The following ZNF430 variants were observed in gnomAD, a reference collection of about 807,000 sequenced individuals.
ZNF430 encodes the protein zinc finger protein 430.
ZNF430 carries 35 observed loss-of-function variants against 56.7 expected under a neutral mutation model. The observed-to-expected ratio is 0.62, with a 90% CI of 0.47 to 0.82. ZNF430 has a LOEUF of 0.82. Ranked by LOEUF, ZNF430 falls within the 40% of genes least tolerant of loss-of-function variation. The probability of loss-of-function intolerance (pLI) is 0.00; values close to 1 mark genes in which losing one functional copy is unlikely to be tolerated. For missense variants in ZNF430, 574 were observed against 661.0 expected (o/e 0.87, Z 1.44); for synonymous variants, 212 against 224.3 (o/e 0.94, Z 0.49).
chr19:21,056,824 C>T lies in ZNF430; in HGVS notation c.516C>T (p.Thr172=). 1.9e-6 allele frequency: 3 copies of T among 1,613,524 alleles called. No individual in the cohort carries two copies. Among genetic ancestry groups the T allele is most frequent in the Non-Finnish European group, 2.5e-6 (3 of 1,179,792 alleles). ...YDELNQCLTT[T]QSEIFQYDKY... ...AACTAAACCAGTGTTTGACAACTAC[C>T]CAGAGTGAAATATTTCAATATGATA... The change falls in exon 5 of 5, where the codon ACC becomes ACT. Residue 172 remains threonine (T), a synonymous_variant. Coordinates refer to ENST00000261560, the MANE Select transcript of ZNF430 (RefSeq NM_025189.4).
At chr19:21,041,629 T>C (rs1937567412) in intron 4 of ZNF430, among the ~76,000 whole-genome samples, 1 of 152,220 alleles carries the variant, frequency 6.6e-6, no homozygotes, top group Non-Finnish European at 1.5e-5. Flanking sequence ...AAGCCCTGCA[T>C]GCATTAGCTG....
In ZNF430 at chr19:21,026,467, G is replaced by C. The variant is rs192440652; in HGVS notation, c.96+3586G>C. 3.6e-4 allele frequency among the ~76,000 whole-genome samples: 55 copies of C among 152,210 alleles called. 1 individual carries two copies. The highest frequency in any genetic ancestry group is 1.2e-3 in the African/African-American group (48 of 41,532). ...CTCCCAAAGTGCTGGGGTTACAGGC[G>C]TGAGCCACCGTGCCCGGCCAATCTC... On this transcript the variant is annotated intron_variant, in intron 2 of 4. Transcript: ENST00000261560.
chr19:21,044,197 G>A (rs149594860), intron 4 of ZNF430, among the ~76,000 whole-genome samples: 78 of 151,966 alleles, frequency 5.1e-4, no homozygotes, highest in African/African-American at 1.5e-3. Flanking sequence ...TTGCCCTTTC[G>A]GTATGATACT....
chr19:21,052,191 A>G (rs1308353296), intron 4 of ZNF430, among the ~76,000 whole-genome samples: 2 of 152,100 alleles, frequency 1.3e-5, no homozygotes, highest in East Asian at 3.9e-4. Flanking sequence ...GTTTTTAAAA[A>G]CTTAAAAATT....
At chr19:21,029,397 AC>A (rs1314916687) in intron 2 of ZNF430, among the ~76,000 whole-genome samples, 1 of 151,164 alleles carries the variant, frequency 6.6e-6, no homozygotes, top group Non-Finnish European at 1.5e-5. Flanking sequence ...ATTCTAAAGA[AC>A]TTTAATAAAT....
Position 21,034,111 on chromosome 19 carries a change from C to T in ZNF430, c.249C>T (p.Asp83=). The T allele has an allele frequency of 3.7e-6, 6 of 1,613,022 alleles. No individual in the cohort carries two copies. Among genetic ancestry groups the T allele is most frequent in the Non-Finnish European group, 5.1e-6 (6 of 1,179,680 alleles). ...CAGGTATTGCTGTTTCTAAGCCAGACCTGATCACCTGTCTAGAGCAAGGAA... is the reference window on the plus strand; with the variant it reads ...CAGGTATTGCTGTTTCTAAGCCAGATCTGATCACCTGTCTAGAGCAAGGAA... ...FLAGIAVSKP[D]LITCLEQGKE... is the part of the protein sequence containing the mutation. Residue 83 remains aspartate, a synonymous_variant, in exon 4 of 5, where the codon GAC becomes GAT. Transcript: ENST00000261560.
rs781476020 is a variant in ZNF430 at position 21,034,064 on chromosome 19, A to G, written c.224-22A>G. 4 of 1,581,432 alleles carry G rather than the reference A, an allele frequency of 2.5e-6. No individual in the cohort carries two copies. The Admixed American group carries it at 6.7e-5, about 26-fold the overall frequency. On this transcript the variant is annotated intron_variant, in intron 3 of 4. Transcript: ENST00000261560. ...TAACTGAAGAATATGAGAAAGATTCATGTTATTTATTTTCAATAAAGCAGG... is the reference window on the plus strand; with the variant it reads ...TAACTGAAGAATATGAGAAAGATTCGTGTTATTTATTTTCAATAAAGCAGG...
At chr19:21,054,697 A>T in intron 4 of ZNF430, among the ~76,000 whole-genome samples, 2 of 80,358 alleles carry the variant, frequency 2.5e-5, no homozygotes, top group African/African-American at 5.8e-5. Context: ...TTTTTTTGAG[A>T]CGGAGTCTCG....
chr19:21,030,888 G>A (rs1390002162), intron 2 of ZNF430, among the ~76,000 whole-genome samples: 1 of 151,680 alleles, frequency 6.6e-6, no homozygotes, highest in Non-Finnish European at 1.5e-5. Flanking sequence ...GTTTTGTTTT[G>A]TTTTCTGTTT....
rs1849418811 is a variant in ZNF430, at chr19:21,020,912, C to T, written c.3+109C>T. Reference sequence around the variant, plus strand: ...TCCCGGCAGTCAGCTGCACAATCTGCGCCCCGAGTTCTTGCCCAGCTGGGC... The same window carrying T: ...TCCCGGCAGTCAGCTGCACAATCTGTGCCCCGAGTTCTTGCCCAGCTGGGC... On this transcript the variant is annotated intron_variant, in intron 1 of 4. Coordinates refer to ENST00000261560, the MANE Select transcript of ZNF430 (RefSeq NM_025189.4). 4.7e-6 allele frequency: 7 copies of T among 1,486,050 alleles called. No homozygotes were observed. The East Asian group carries it at 6.8e-5, about 14-fold the overall frequency. 92.1% of individuals were successfully genotyped at this position (1,486,050 alleles called of 1,614,324 possible).
rs1352690002 is a variant in ZNF430, at chr19:21,058,487, A to G, written c.*466A>G. 1 of 162,688 alleles carries G rather than the reference A, an allele frequency of 6.1e-6. No individual in the cohort carries two copies. The highest frequency in any genetic ancestry group is 1.4e-5 in the Non-Finnish European group (1 of 70,262). 10.1% of individuals were successfully genotyped at this position (162,688 alleles called of 1,614,324 possible). ...ATAATTCATACTGAAAAGAAACTCT[A>G]CAAACTTGAAAGATGTGACAGTGCT... On this transcript the variant is annotated 3_prime_UTR_variant, in exon 5 of 5. Transcript: ENST00000261560.
chr19:21,025,621 C>T (rs1181901201), intron 2 of ZNF430, among the ~76,000 whole-genome samples: 1 of 152,012 alleles, frequency 6.6e-6, no homozygotes, highest in African/African-American at 2.4e-5. Flanking sequence ...GAGTCTCACT[C>T]TGTTGCCCAG....
At chr19:21,048,883 G>A (rs1968231489) in intron 4 of ZNF430, among the ~76,000 whole-genome samples, 1 of 151,972 alleles carries the variant, frequency 6.6e-6, no homozygotes, top group South Asian at 2.1e-4. Flanking sequence ...TCCCAGATGG[G>A]GCATAAAATA....
At chr19:21,038,433 T>A (rs1283578547) in intron 4 of ZNF430, among the ~76,000 whole-genome samples, 1 of 152,172 alleles carries the variant, frequency 6.6e-6, no homozygotes, top group African/African-American at 2.4e-5. Context: ...TCTAATTTTT[T>A]ATTATTATTT....
At chr19:21,026,939 C>T (rs772013729) in intron 2 of ZNF430, among the ~76,000 whole-genome samples, 6 of 145,730 alleles carry the variant, frequency 4.1e-5, no homozygotes, top group African/African-American at 7.7e-5. Flanking sequence ...AAGCGATTCT[C>T]CTGCCTCAGC....
In ZNF430 at chr19:21,051,913, T is replaced by C. The variant is rs1348394101; in HGVS notation, c.323-4718T>C. On this transcript the variant is annotated intron_variant, in intron 4 of 4. Transcript: ENST00000261560. Reference sequence around the variant, plus strand: ...TGTTCCTTTTTTTGAATACTTTGGGTACTTTATTGTCTTTTGAGAGTCCAT... The same window carrying C: ...TGTTCCTTTTTTTGAATACTTTGGGCACTTTATTGTCTTTTGAGAGTCCAT... Among the ~76,000 whole-genome samples the C allele has an allele frequency of 2.0e-5, 3 of 152,308 alleles. No individual in the cohort carries two copies. The East Asian group carries it at 5.8e-4, about 29-fold the overall frequency.
At chr19:21,048,522 A>T (rs1470904583) in intron 4 of ZNF430, among the ~76,000 whole-genome samples, 3 of 152,130 alleles carry the variant, frequency 2.0e-5, no homozygotes, top group African/African-American at 7.2e-5. Context: ...GATTAACAGC[A>T]TCCCAAGGCA....
intron 2 of ZNF430, chr19:21,025,820 C>G (rs556272856): frequency 1.9e-4 from 40 of 207,506 alleles, no homozygotes; most frequent in African/African-American, 8.8e-4. Context: ...ATCTCCTCCT[C>G]CCATTAGTCA....
Position 21,057,482 on chromosome 19 carries a change from A to C in ZNF430, c.1174A>C (p.Lys392Gln). Reference sequence around the variant, plus strand: ...CCGATTCTCATACCTTACTAAACATAAGATAATTCATACTGGAGAGAAATT... The same window carrying C: ...CCGATTCTCATACCTTACTAAACATCAGATAATTCATACTGGAGAGAAATT... ...FYRFSYLTKH[K>Q]IIHTGEKFYK... The change falls in exon 5 of 5, where the codon AAG becomes CAG. Residue 392 changes from lysine to glutamine, a missense_variant. Transcript: ENST00000261560. The C allele has an allele frequency of 1.2e-6, 2 of 1,613,790 alleles. No homozygotes were observed. Among genetic ancestry groups the C allele is most frequent in the Non-Finnish European group, 1.7e-6 (2 of 1,179,948 alleles).
Sources: gnomAD v4.1 joint callset for allele counts (sites outside exome capture counted in the v4.1 genomes callset) on GRCh38, gnomAD v4.1.1 for gene constraint, MANE v1.5 for transcripts, NCBI Gene and HGNC (gene_info 2026-07-23, HGNC 2026-07-21) for gene names.